Variants in GEMIN5 observed in about 807,000 individuals in gnomAD.
The protein encoded by GEMIN5 is gem nuclear organelle associated protein 5.
GEMIN5 carries 124 observed loss-of-function variants against 176.9 expected under a neutral mutation model. The observed-to-expected ratio is 0.70, with a 90% CI of 0.61 to 0.81. GEMIN5 has a LOEUF of 0.81. GEMIN5 is among the 40% of genes least tolerant of loss of function. GEMIN5 has a pLI of 0.00. For synonymous variants in GEMIN5, 673 were observed against 665.2 expected, an observed-to-expected ratio of 1.01 and a Z score of -0.18; for missense variants, 1,843 against 1,814.6, an observed-to-expected ratio of 1.02 and a Z score of -0.28.
chr5:154,888,189 T>C lies in GEMIN5; in HGVS notation c.*21A>G. ...TGTCAAACATTTTCAATTTGGCAGT[T>C]TCTTCAAGGTGTGTGAAAATTCACA... On this transcript the variant is annotated 3_prime_UTR_variant, in exon 28 of 28. Transcript: ENST00000285873. 1 of 1,611,932 alleles carries C rather than the reference T, an allele frequency of 6.2e-7. No individual in the cohort carries two copies. Among genetic ancestry groups the C allele is most frequent in the Non-Finnish European group, 8.5e-7 (1 of 1,178,316 alleles).
chr5:154,917,909 T>C (rs1763844931), intron 12 of GEMIN5, 22 bp downstream of exon 12: 2 of 1,535,946 alleles, frequency 1.3e-6, no homozygotes, highest in Non-Finnish European at 9.0e-7. Context: ...AAATTTTTTA[T>C]CTTAAAGAAG....
chr5:154,900,358 G>GA, intron 21 of GEMIN5, among the ~76,000 whole-genome samples: 1 of 152,302 alleles, frequency 6.6e-6, no homozygotes, highest in East Asian at 1.9e-4. Context: ...GCAATATTTT[G>GA]AAAGTATTTT....
intron 9 of GEMIN5, among the ~76,000 whole-genome samples, chr5:154,922,841 C>A (rs528319907): frequency 6.6e-6 from 1 of 151,608 alleles, no homozygotes; most frequent in Admixed American, 6.6e-5. Context: ...AGAATACAGG[C>A]GCCCACTACC....
At chr5:154,888,446 G>A in intron 27 of GEMIN5, 69 bp from the exon 28 acceptor site, 1 of 1,343,646 alleles carries the variant, frequency 7.4e-7, no homozygotes, top group Non-Finnish European at 1.0e-6. Flanking sequence ...CTGCACAGAA[G>A]GCACCAGTCA....
At chr5:154,912,810 G>A (rs1763730088) in intron 14 of GEMIN5, 89 bp downstream of exon 14, 3 of 1,136,536 alleles carry the variant, frequency 2.6e-6, no homozygotes, top group South Asian at 3.4e-5. Flanking sequence ...AATGGGGGAG[G>A]GGGAACCTGT....
chr5:154,920,218 G>T, intron 10 of GEMIN5, 115 bp from the exon 11 acceptor site: 1 of 699,866 alleles, frequency 1.4e-6, no homozygotes. Flanking sequence ...CTATATATTT[G>T]AAACATTCTA....
At chr5:154,914,860 A>G (rs1306087057) in intron 13 of GEMIN5, among the ~76,000 whole-genome samples, 4 of 152,240 alleles carry the variant, frequency 2.6e-5, no homozygotes, top group East Asian at 1.9e-4. Flanking sequence ...AACTACATAC[A>G]TACACGCACA....
intron 3 of GEMIN5, among the ~76,000 whole-genome samples, chr5:154,934,923 C>A (rs1047595443): frequency 2.0e-5 from 3 of 152,126 alleles, no homozygotes; most frequent in African/African-American, 7.2e-5. Flanking sequence ...ATGAGAAAAT[C>A]AGAAATACCA....
At chr5:154,929,743 T>C (rs936106511) in intron 5 of GEMIN5, among the ~76,000 whole-genome samples, 6 of 152,176 alleles carry the variant, frequency 3.9e-5, no homozygotes, top group African/African-American at 1.4e-4. Flanking sequence ...CCTGTAAACC[T>C]TAAAAAAGTT....
intron 9 of GEMIN5, 44 bp downstream of exon 9, chr5:154,924,425 T>C (rs187748536): frequency 2.4e-4 from 303 of 1,277,102 alleles, no homozygotes; most frequent in Non-Finnish European, 2.9e-4. Context: ...GCCAACCTTT[T>C]GGCTCCCCGG....
intron 9 of GEMIN5, among the ~76,000 whole-genome samples, chr5:154,923,358 C>A (rs981883322): frequency 6.6e-6 from 1 of 151,722 alleles, no homozygotes; most frequent in South Asian, 2.1e-4. Flanking sequence ...CCAGCCTGGG[C>A]AAGAAGAGCG....
chr5:154,936,942 G>A, intron 2 of GEMIN5, 83 bp downstream of exon 2: 5 of 1,030,650 alleles, frequency 4.9e-6, no homozygotes, highest in Non-Finnish European at 7.2e-6. Flanking sequence ...TTGCACAGAT[G>A]AGCTAGCAAA....
chr5:154,889,177 G>A (rs1763171604), intron 27 of GEMIN5, 144 bp downstream of exon 27: 7 of 557,376 alleles, frequency 1.3e-5, no homozygotes, highest in East Asian at 2.7e-5. Flanking sequence ...CGCCCAGCCT[G>A]GATTCTAAAT....
chr5:154,894,646 C>T (rs1163952274), intron 24 of GEMIN5, among the ~76,000 whole-genome samples: 1 of 151,986 alleles, frequency 6.6e-6, no homozygotes, highest in East Asian at 1.9e-4. Flanking sequence ...GTGGCTCATG[C>T]CTATAATCCC....
At chr5:154,919,911 A>G in intron 11 of GEMIN5, 56 bp downstream of exon 11, 1 of 1,499,144 alleles carries the variant, frequency 6.7e-7, no homozygotes, top group Non-Finnish European at 9.1e-7. Context: ...CAAGATGGGA[A>G]ACACAGAGGG....
intron 9 of GEMIN5, among the ~76,000 whole-genome samples, chr5:154,924,079 A>C (rs1181782918): frequency 2.0e-5 from 3 of 152,228 alleles, no homozygotes; most frequent in Non-Finnish European, 4.4e-5. Context: ...AAAATAAAAT[A>C]ATTATTGAGA....
At position 154,891,749 on chromosome 5, in the gene GEMIN5, A is replaced by G. The variant is rs1432485568; in HGVS notation, c.3761-7T>C. 1.3e-6 allele frequency: 2 copies of G among 1,565,522 alleles called. No homozygotes were observed. The highest frequency in any genetic ancestry group is 4.5e-5 in the East Asian group (2 of 44,696). The stretch of plus-strand genomic sequence containing the variant: ...TCTCTTAGGTGGTCACAGCCTAGGA[A>G]AAGAGGAAAAAGATACTGGGTCATG... On this transcript the variant is annotated splice_region_variant and splice_polypyrimidine_tract_variant and intron_variant, in intron 25 of 27. Transcript: ENST00000285873.
rs751962762 is a variant in GEMIN5 at position 154,921,306 on chromosome 5, A to G, written c.1462+37T>C. 3.4e-6 allele frequency: 3 copies of G among 884,762 alleles called. No individual in the cohort carries two copies. In the South Asian group the frequency reaches 4.0e-5, roughly 12 times the overall value. The allele number at this position is 884,762 out of a possible 1,614,324, so 54.8% of individuals were successfully genotyped here. A position where few individuals can be genotyped will look rare whatever the true frequency, so the allele number is the denominator to read the frequency against. ...TTTAGGATTAAACTGAAGGAAGAAT[A>G]CTCTCATATTTGTTATGGAATTGTT... is the stretch of plus-strand genomic sequence containing the variant. On this transcript the variant is annotated intron_variant, in intron 10 of 27. Coordinates refer to ENST00000285873, the MANE Select transcript of GEMIN5 (RefSeq NM_015465.5).
At position 154,888,021 on chromosome 5, in the gene GEMIN5, A is replaced by G. The variant is rs1404917160; in HGVS notation, c.*189T>C. The G allele has an allele frequency of 1.7e-6, 1 of 580,314 alleles. No individual in the cohort carries two copies. Among genetic ancestry groups the G allele is most frequent in the East Asian group, 3.0e-5 (1 of 33,474 alleles). 35.9% of individuals were successfully genotyped at this position (580,314 alleles called of 1,614,324 possible). ...TCCCTCCAGTAGGAGACCACAATTGAGTCTAAAGTCAGATCCACCGTTGTC... is the reference window on the plus strand; with the variant it reads ...TCCCTCCAGTAGGAGACCACAATTGGGTCTAAAGTCAGATCCACCGTTGTC... On this transcript the variant is annotated 3_prime_UTR_variant, in exon 28 of 28. Transcript: ENST00000285873.
Sources: gnomAD v4.1 joint callset for allele counts (sites outside exome capture counted in the v4.1 genomes callset) on GRCh38, gnomAD v4.1.1 for gene constraint, MANE v1.5 for transcripts, NCBI Gene and HGNC (gene_info 2026-07-23, HGNC 2026-07-21) for gene names.